EFCAB13: variants seen among roughly 807,000 people sequenced by gnomAD.
EFCAB13 encodes EF-hand calcium-binding domain-containing protein 13.
In EFCAB13, 91 loss-of-function variants were observed where a neutral mutation model predicts 110.2. The ratio of observed to expected loss-of-function variants is 0.83; its 90% confidence interval spans 0.70 to 0.98. The LOEUF is 0.98. Ranked by LOEUF, EFCAB13 falls within the 50% of genes least tolerant of loss-of-function variation. EFCAB13 has a pLI of 0.00. For missense variants in EFCAB13, 968 were observed against 1,119.4 expected, an observed-to-expected ratio of 0.86 and a Z score of 1.93; for synonymous variants, 323 against 369.9, an observed-to-expected ratio of 0.87 and a Z score of 1.45.
At chr17:47,356,406 C>T (rs2065480780) in intron 9 of EFCAB13, among the ~76,000 whole-genome samples, 1 of 152,142 alleles carries the variant, frequency 6.6e-6, no homozygotes, top group Non-Finnish European at 1.5e-5. Context: ...TGGTGCTTTT[C>T]TCCTTCCCCT....
intron 22 of EFCAB13, among the ~76,000 whole-genome samples, chr17:47,413,169 C>G (rs113471998): frequency 1.3e-5 from 2 of 151,982 alleles, no homozygotes; most frequent in African/African-American, 4.8e-5. Flanking sequence ...GGAAAAATAC[C>G]ATAAATTGTA....
intron 16 of EFCAB13, 114 bp downstream of exon 16, chr17:47,394,213 C>A: frequency 1.7e-6 from 1 of 591,214 alleles, no homozygotes; most frequent in Non-Finnish European, 2.8e-6. Context: ...TGCAGGTCAT[C>A]CGACAAATAA....
intron 3 of EFCAB13, among the ~76,000 whole-genome samples, chr17:47,327,676 C>A (rs891227852): frequency 2.6e-5 from 4 of 152,064 alleles, no homozygotes; most frequent in South Asian, 2.1e-4. Context: ...AGGATGGTCT[C>A]AATCTCTTGA....
chr17:47,344,051 A>T, intron 6 of EFCAB13, 111 bp from the exon 7 acceptor site: 1 of 1,245,356 alleles, frequency 8.0e-7, no homozygotes, highest in Non-Finnish European at 1.1e-6. Context: ...AAGCATAATT[A>T]ATGAGGAGCC....
rs976464581 is a variant in EFCAB13, at chr17:47,413,790, G to A, written c.2422+874G>A. Among the ~76,000 whole-genome samples the A allele has an allele frequency of 3.3e-5, 5 of 151,954 alleles. No individual in the cohort carries two copies. The South Asian group carries it at 1.0e-3, about 32-fold the overall frequency. Reference sequence around the variant, plus strand: ...GATTTAGGCCTCCTTGTTTATTTGAGTCAATAAATATAGTATTTTAATTTC... The same window carrying A: ...GATTTAGGCCTCCTTGTTTATTTGAATCAATAAATATAGTATTTTAATTTC... On this transcript the variant is annotated intron_variant, in intron 22 of 24. Transcript: ENST00000331493.
chr17:47,439,736 C>A lies in EFCAB13; in HGVS notation c.2639-695C>A, dbSNP rs148217691. Among the ~76,000 whole-genome samples the A allele has an allele frequency of 1.9e-3, 288 of 152,050 alleles. 3 individuals carry two copies. The highest frequency in any genetic ancestry group is 6.3e-3 in the African/African-American group (263 of 41,458). ...TTTTTCTCTTGCTCCCCTAAGAAGC[C>A]TTTATAGACATTTTAGTTCCTAATT... On this transcript the variant is annotated intron_variant, in intron 24 of 24. Coordinates refer to ENST00000331493, the MANE Select transcript of EFCAB13 (RefSeq NM_152347.5).
At chr17:47,388,153 C>T (rs1032680361) in intron 14 of EFCAB13, among the ~76,000 whole-genome samples, 5 of 152,194 alleles carry the variant, frequency 3.3e-5, no homozygotes, top group African/African-American at 9.7e-5. Context: ...TAGCTGCCCT[C>T]AGGGGGTTTA....
At chr17:47,340,975 C>T (rs1296472187) in intron 5 of EFCAB13, among the ~76,000 whole-genome samples, 1 of 151,800 alleles carries the variant, frequency 6.6e-6, no homozygotes, top group African/African-American at 2.4e-5. Context: ...CACAAATAGC[C>T]AATTGGACAT....
chr17:47,382,867 C>T (rs906300925), intron 14 of EFCAB13, among the ~76,000 whole-genome samples: 1 of 152,086 alleles, frequency 6.6e-6, no homozygotes, highest in African/African-American at 2.4e-5. Context: ...GCTACCAGCC[C>T]CTCCTTGTAC....
intron 18 of EFCAB13, 126 bp downstream of exon 18, chr17:47,402,329 C>A: frequency 2.3e-6 from 2 of 863,690 alleles, no homozygotes; most frequent in South Asian, 1.6e-5. Flanking sequence ...TATGTTTATA[C>A]GCAGATGAAA....
At chr17:47,391,796 AT>A (rs1291952820) in intron 15 of EFCAB13, among the ~76,000 whole-genome samples, 3 of 151,772 alleles carry the variant, frequency 2.0e-5, no homozygotes, top group Admixed American at 6.5e-5. Context: ...TTAAAAAAAA[AT>A]TTTATTTATT....
chr17:47,422,249 G>GT (rs1411748345), intron 23 of EFCAB13, among the ~76,000 whole-genome samples: 1 of 152,122 alleles, frequency 6.6e-6, no homozygotes, highest in Non-Finnish European at 1.5e-5. Flanking sequence ...ACCTTTTCAT[G>GT]TTAAGGGGTA....
chr17:47,439,171 G>GTTT (rs71141908), intron 24 of EFCAB13, among the ~76,000 whole-genome samples: 783 of 73,790 alleles, frequency 0.011, 24 homozygotes, highest in African/African-American at 0.016. Context: ...TCTTTGTTTT[G>GTTT]TTTTTTTTTT....
In EFCAB13 at chr17:47,352,161, C is replaced by T. The variant is rs1379373066; in HGVS notation, c.661+4210C>T. Among the ~76,000 whole-genome samples, 6 of 151,796 alleles carry T rather than the reference C, an allele frequency of 4.0e-5. No homozygotes were observed. In the East Asian group the frequency reaches 1.2e-3, roughly 29 times the overall value. ...TCATGATCCTCCCACCTCGGCCTCC[C>T]AAAGTGCTGGGATTACAGGCGCGAG... On this transcript the variant is annotated intron_variant, in intron 9 of 24. Transcript: ENST00000331493.
At position 47,398,993 on chromosome 17, in the gene EFCAB13, G is replaced by A. The variant is rs1477174587; in HGVS notation, c.1945+3016G>A. ...GGCTGGAGTGCAGTGGCGCAATCTCGGCTCACTGCAACCTCTGCCTCCCGG... is the reference window on the plus strand; with the variant it reads ...GGCTGGAGTGCAGTGGCGCAATCTCAGCTCACTGCAACCTCTGCCTCCCGG... On this transcript the variant is annotated intron_variant, in intron 17 of 24. Transcript: ENST00000331493. 2.0e-5 allele frequency among the ~76,000 whole-genome samples: 3 copies of A among 152,172 alleles called. No individual in the cohort carries two copies. In the East Asian group the frequency reaches 5.8e-4, roughly 29 times the overall value.
At chr17:47,413,885 T>C (rs1452857930) in intron 22 of EFCAB13, among the ~76,000 whole-genome samples, 1 of 152,222 alleles carries the variant, frequency 6.6e-6, no homozygotes, top group African/African-American at 2.4e-5. Flanking sequence ...TTCCTAACCT[T>C]ATTTTTATGG....
Position 47,352,411 on chromosome 17 carries a change from G to T in EFCAB13, c.661+4460G>T, listed in dbSNP as rs190558980. On this transcript the variant is annotated intron_variant, in intron 9 of 24. Coordinates refer to ENST00000331493, the MANE Select transcript of EFCAB13 (RefSeq NM_152347.5). Reference sequence around the variant, plus strand: ...AAGATCAGGTGGCTATAGATATGAAGCTTCATTTCTGGGTTCTGTTTTCTG... The same window carrying T: ...AAGATCAGGTGGCTATAGATATGAATCTTCATTTCTGGGTTCTGTTTTCTG... Among the ~76,000 whole-genome samples the T allele has an allele frequency of 4.4e-3, 674 of 152,124 alleles. 7 individuals carry two copies. The highest frequency in any genetic ancestry group is 0.016 in the African/African-American group (653 of 41,478).
chr17:47,374,930 G>A lies in EFCAB13; in HGVS notation c.1336G>A (p.Val446Ile). The change falls in exon 12 of 25, where the codon GTT becomes ATT. Residue 446 changes from valine (V) to isoleucine (I), a missense_variant. Coordinates refer to ENST00000331493, the MANE Select transcript of EFCAB13 (RefSeq NM_152347.5). ...AAAGCATTCCAGTCTCCAAAAACAGGTTTCGTCTACGGAAAAAACTGCAAT... is the reference window on the plus strand; with the variant it reads ...AAAGCATTCCAGTCTCCAAAAACAGATTTCGTCTACGGAAAAAACTGCAAT... ...VRKHSSLQKQ[V>I]SSTEKTAIST... is the part of the protein sequence containing the mutation. 1 of 1,587,690 alleles carries A rather than the reference G, an allele frequency of 6.3e-7. No homozygotes were observed. Among genetic ancestry groups the A allele is most frequent in the Non-Finnish European group, 8.5e-7 (1 of 1,172,434 alleles).
chr17:47,394,230 G>A (rs2065725418), intron 16 of EFCAB13, 131 bp downstream of exon 16: 2 of 529,200 alleles, frequency 3.8e-6, no homozygotes, highest in Non-Finnish European at 6.6e-6. Context: ...ATAAATGCCT[G>A]GCTTCCTGCT....
Sources: gnomAD v4.1 joint callset for allele counts (sites outside exome capture counted in the v4.1 genomes callset) on GRCh38, gnomAD v4.1.1 for gene constraint, MANE v1.5 for transcripts, NCBI Gene and HGNC (gene_info 2026-07-23, HGNC 2026-07-21) for gene names.